Variants in SPICE1 observed in about 807,000 individuals in gnomAD.
The protein encoded by SPICE1 is spindle and centriole-associated protein 1.
In SPICE1, 75 loss-of-function variants were observed where a neutral mutation model predicts 102.7. The observed-to-expected ratio is 0.73, with a 90% CI of 0.61 to 0.88. The LOEUF is 0.88. SPICE1 is among the 40% of genes least tolerant of loss of function. SPICE1 has a pLI of 0.00. For synonymous variants in SPICE1, 308 were observed against 350.3 expected (o/e 0.88, Z 1.35); for missense variants, 979 against 1,020.1 (o/e 0.96, Z 0.55).
chr3:113,483,015 T>C (rs1209149818), intron 7 of SPICE1, among the ~76,000 whole-genome samples: 1 of 152,256 alleles, frequency 6.6e-6, no homozygotes, highest in Non-Finnish European at 1.5e-5. Context: ...ATTTTCATGA[T>C]ATTGAGTCTT....
intron 7 of SPICE1, among the ~76,000 whole-genome samples, chr3:113,487,938 A>G (rs1936681950): frequency 6.6e-6 from 1 of 152,216 alleles, no homozygotes; most frequent in African/African-American, 2.4e-5. Flanking sequence ...GAATTCTGTA[A>G]AATAACTGCC....
intron 2 of SPICE1, among the ~76,000 whole-genome samples, chr3:113,504,315 G>A (rs987821650): frequency 3.3e-5 from 5 of 151,562 alleles, no homozygotes; most frequent in Non-Finnish European, 7.4e-5. Flanking sequence ...TCTAAGTGAC[G>A]AGGAATACGA....
At chr3:113,513,236 G>A (rs1937254166) in intron 1 of SPICE1, among the ~76,000 whole-genome samples, 1 of 151,942 alleles carries the variant, frequency 6.6e-6, no homozygotes, top group Non-Finnish European at 1.5e-5. Context: ...GCAAGACCCT[G>A]TCTCTAAAAA....
chr3:113,510,524 G>C (rs1218617110), intron 1 of SPICE1, among the ~76,000 whole-genome samples: 2 of 152,124 alleles, frequency 1.3e-5, no homozygotes, highest in Non-Finnish European at 2.9e-5. Flanking sequence ...AATGGGGAAA[G>C]GATTCCCTAC....
intron 4 of SPICE1, among the ~76,000 whole-genome samples, chr3:113,494,509 T>C (rs2107496402): frequency 6.6e-6 from 1 of 151,724 alleles, no homozygotes; most frequent in South Asian, 2.1e-4. Flanking sequence ...TAGCCGGGCG[T>C]GGTAGCGGGC....
chr3:113,467,006 G>A (rs907642772), intron 10 of SPICE1, among the ~76,000 whole-genome samples: 3 of 152,016 alleles, frequency 2.0e-5, no homozygotes, highest in African/African-American at 7.2e-5. Context: ...CCGAGATCAT[G>A]CCACTACTGC....
intron 7 of SPICE1, among the ~76,000 whole-genome samples, chr3:113,477,826 A>C (rs981781657): frequency 2.2e-4 from 33 of 151,468 alleles, no homozygotes; most frequent in African/African-American, 7.8e-4. Flanking sequence ...TAGGAGATAT[A>C]CCTAATGCTA....
At chr3:113,475,861 T>C (rs1424673530) in intron 7 of SPICE1, among the ~76,000 whole-genome samples, 1 of 151,974 alleles carries the variant, frequency 6.6e-6, no homozygotes, top group Admixed American at 6.6e-5. Flanking sequence ...AGCATTCCCT[T>C]TGAAAACTGG....
chr3:113,465,901 AATG>A, intron 10 of SPICE1, 117 bp from the exon 11 acceptor site: 1 of 895,580 alleles, frequency 1.1e-6, no homozygotes, highest in Non-Finnish European at 1.6e-6. Context: ...ATGTGACAGT[AATG>A]ATGAAGAGTT....
chr3:113,493,966 AAGAAAGGAC>A (rs1191689982), intron 5 of SPICE1, 74 bp downstream of exon 5: 26 of 915,924 alleles, frequency 2.8e-5, no homozygotes, highest in Non-Finnish European at 3.8e-5. Flanking sequence ...TATGATGCCT[AAGAAAGGAC>A]TTTAAATTCT....
intron 2 of SPICE1, among the ~76,000 whole-genome samples, chr3:113,506,158 A>C (rs1937102667): frequency 6.6e-6 from 1 of 152,212 alleles, no homozygotes; most frequent in Non-Finnish European, 1.5e-5. Context: ...AAAGGTACCG[A>C]AAAATTCACA....
intron 14 of SPICE1, among the ~76,000 whole-genome samples, chr3:113,451,497 AT>A (rs1935651362): frequency 6.6e-6 from 1 of 152,232 alleles, no homozygotes; most frequent in African/African-American, 2.4e-5. Context: ...GAAAATCAGT[AT>A]GAATTAAAGA....
At position 113,469,125 on chromosome 3, in the gene SPICE1, G is replaced by C; in HGVS notation, c.725C>G (p.Ser242Cys). 1.2e-6 allele frequency: 2 copies of C among 1,613,660 alleles called. No individual in the cohort carries two copies. The highest frequency in any genetic ancestry group is 1.7e-6 in the Non-Finnish European group (2 of 1,179,820). ...TCTTTGCTCCCCTGATGAAAGAGCA[G>C]ATGATGGCGTTCCTGGAGGAGTTAT... ...SQITPPGTPS[S>C]ALSSGEQRAA... Residue 242 changes from serine (S) to cysteine (C), a missense_variant, in exon 8 of 18, where the codon TCT becomes TGT. Physicochemically the swap from Ser to Cys is moderately radical, Grantham distance 112 (BLOSUM62 -1). Transcript: ENST00000295872.
At chr3:113,461,811 AG>A (rs1452656893) in intron 11 of SPICE1, among the ~76,000 whole-genome samples, 11 of 152,232 alleles carry the variant, frequency 7.2e-5, no homozygotes, top group African/African-American at 2.7e-4. Context: ...AGGTGCAGCC[AG>A]ACTCAGAAAT....
chr3:113,447,937 A>C (rs1935553551), intron 16 of SPICE1, 101 bp downstream of exon 16: 2 of 1,046,258 alleles, frequency 1.9e-6, no homozygotes, highest in African/African-American at 3.3e-5. Context: ...TCTCAACCTA[A>C]GTCAGATACT....
At chr3:113,501,759 CAG>C (rs1405142362) in intron 3 of SPICE1, among the ~76,000 whole-genome samples, 1 of 152,136 alleles carries the variant, frequency 6.6e-6, no homozygotes, top group African/African-American at 2.4e-5. Flanking sequence ...AAAAAGGTGA[CAG>C]TAACAATGTG....
At chr3:113,514,518 T>C (rs1937285164) in intron 1 of SPICE1, 2 of 395,396 alleles carry the variant, frequency 5.1e-6, no homozygotes, top group African/African-American at 2.1e-5. Flanking sequence ...TCCAGTGTTC[T>C]CTCACATCTC....
At position 113,514,968 on chromosome 3, in the gene SPICE1, CCAGGCAACAGA is replaced by C; in HGVS notation, c.-83_-73del. On this transcript the variant is annotated 5_prime_UTR_variant, in exon 1 of 18. Coordinates refer to ENST00000295872, the MANE Select transcript of SPICE1 (RefSeq NM_144718.4). ...GATTCCCCAACCGGGCGCCTGGATCCCAGGCAACAGACAGATGCCACCACCGTTCTCCCCAC... is the reference window on the plus strand; with the variant it reads ...GATTCCCCAACCGGGCGCCTGGATCCCAGATGCCACCACCGTTCTCCCCAC... 1.1e-5 allele frequency: 8 copies of C among 725,450 alleles called. No individual in the cohort carries two copies. The highest frequency in any genetic ancestry group is 1.5e-5 in the Non-Finnish European group (8 of 526,616). 44.9% of individuals were successfully genotyped at this position (725,450 alleles called of 1,614,324 possible). A position where few individuals can be genotyped will look rare whatever the true frequency, so the allele number is the denominator to read the frequency against.
intron 7 of SPICE1, among the ~76,000 whole-genome samples, chr3:113,479,109 A>G (rs1257231556): frequency 6.9e-6 from 1 of 145,428 alleles, no homozygotes; most frequent in Non-Finnish European, 1.5e-5. Context: ...GTATCTCCTA[A>G]TGCTATCCCT....
Sources: gnomAD v4.1 joint callset for allele counts (sites outside exome capture counted in the v4.1 genomes callset) on GRCh38, gnomAD v4.1.1 for gene constraint, MANE v1.5 for transcripts, NCBI Gene and HGNC (gene_info 2026-07-23, HGNC 2026-07-21) for gene names.